The following SLC25A21 variants were observed in gnomAD, a reference collection of about 807,000 sequenced individuals.
SLC25A21 encodes the protein mitochondrial 2-oxodicarboxylate carrier.
In SLC25A21, 47 loss-of-function variants were observed where a neutral mutation model predicts 43.8. That is an observed-to-expected ratio of 1.07 (90% CI 0.85 to 1.37). The LOEUF (loss-of-function observed/expected upper bound fraction) is 1.37. Among genes scored for constraint, SLC25A21 ranks in the 40% most tolerant of loss-of-function variants. The pLI, the probability that SLC25A21 is intolerant of heterozygous loss-of-function variation, is 0.00. For missense variants in SLC25A21, 352 were observed against 350.2 expected, an observed-to-expected ratio of 1.00 and a Z score of -0.04; for synonymous variants, 131 against 121.3, an observed-to-expected ratio of 1.08 and a Z score of -0.52.
intron 3 of SLC25A21, among the ~76,000 whole-genome samples, chr14:36,775,113 T>A (rs1886776344): frequency 6.6e-6 from 1 of 152,202 alleles, no homozygotes; most frequent in Non-Finnish European, 1.5e-5. Context: ...CACTCAATAG[T>A]TGCATATGGA....
chr14:37,098,023 CT>C (rs570096390), intron 1 of SLC25A21: 5 of 152,108 alleles, frequency 3.3e-5, no homozygotes, highest in Non-Finnish European at 7.4e-5. Flanking sequence ...GTTCTTACAA[CT>C]TTTTTGTAAG....
chr14:36,997,350 C>T (rs940418694), intron 1 of SLC25A21, among the ~76,000 whole-genome samples: 21 of 152,064 alleles, frequency 1.4e-4, no homozygotes, highest in Admixed American at 1.3e-3. Flanking sequence ...GAGAAGAGAG[C>T]AGGTGAGACT....
At chr14:37,102,408 A>C (rs1050792369) in intron 1 of SLC25A21, among the ~76,000 whole-genome samples, 1 of 150,660 alleles carries the variant, frequency 6.6e-6, no homozygotes, top group African/African-American at 2.4e-5. Context: ...ATGCCAATGC[A>C]CTCCAGCCTG....
intron 1 of SLC25A21, chr14:37,096,955 G>A (rs1962705897): frequency 6.6e-6 from 1 of 151,314 alleles, no homozygotes; most frequent in Non-Finnish European, 1.5e-5. Flanking sequence ...GGCATTGAAG[G>A]GCTAGGTGTT....
chr14:36,951,593 AT>A (rs35759608), intron 1 of SLC25A21, among the ~76,000 whole-genome samples: 6,839 of 149,758 alleles, frequency 0.046, 301 homozygotes, highest in Middle Eastern at 0.14. Context: ...CAAGGTATGC[AT>A]TTTTTTTTTG....
At chr14:37,118,170 A>G (rs1963140395) in intron 1 of SLC25A21, among the ~76,000 whole-genome samples, 1 of 152,108 alleles carries the variant, frequency 6.6e-6, no homozygotes, top group Non-Finnish European at 1.5e-5. Flanking sequence ...CAGCTTCTCC[A>G]ACCACTCCTG....
intron 1 of SLC25A21, among the ~76,000 whole-genome samples, chr14:37,107,562 A>G (rs1043880172): frequency 4.6e-5 from 7 of 152,086 alleles, no homozygotes; most frequent in African/African-American, 1.7e-4. Flanking sequence ...TTCATATTTT[A>G]TTTACCAGGT....
chr14:36,702,735 G>A (rs1247941534), intron 7 of SLC25A21, among the ~76,000 whole-genome samples: 1 of 151,900 alleles, frequency 6.6e-6, no homozygotes, highest in African/African-American at 2.4e-5. Context: ...TTCCTAAGAG[G>A]GTGCCCAACA....
At chr14:36,826,835 G>C (rs547550574) in intron 2 of SLC25A21, among the ~76,000 whole-genome samples, 1 of 152,148 alleles carries the variant, frequency 6.6e-6, no homozygotes, top group Non-Finnish European at 1.5e-5. Flanking sequence ...CTCTCCCATA[G>C]GCCCAGGTGG....
chr14:36,819,198 G>A (rs1888547868), intron 2 of SLC25A21, among the ~76,000 whole-genome samples: 1 of 152,128 alleles, frequency 6.6e-6, no homozygotes, highest in African/African-American at 2.4e-5. Context: ...CCTATCTGCC[G>A]CTGTTCTCAT....
At chr14:37,064,382 A>T (rs1566854412) in intron 1 of SLC25A21, among the ~76,000 whole-genome samples, 1 of 152,044 alleles carries the variant, frequency 6.6e-6, no homozygotes. Context: ...CTCAGCCTTC[A>T]TAATTGCATG....
At chr14:36,870,427 C>T (rs899174455) in intron 2 of SLC25A21, 4 of 152,210 alleles carry the variant, frequency 2.6e-5, no homozygotes, top group Admixed American at 2.0e-4. Flanking sequence ...GTCAGCAGTC[C>T]TTGGTATTCA....
intron 3 of SLC25A21, among the ~76,000 whole-genome samples, chr14:36,809,557 C>T (rs1259208560): frequency 6.6e-6 from 1 of 152,068 alleles, no homozygotes; most frequent in Non-Finnish European, 1.5e-5. Flanking sequence ...GATTTGGACT[C>T]ATGTGGTTGA....
rs1408937786 is a variant in SLC25A21, at chr14:37,056,472, C to G, written c.70+115809G>C. ...CGCCACTGCACTCCAGCCTGGGCGA[C>G]AGCGAGACTCCATCTCAAAAAAAAA... On this transcript the variant is annotated intron_variant, in intron 1 of 9. Coordinates refer to ENST00000331299, the MANE Select transcript of SLC25A21 (RefSeq NM_030631.4). Among the ~76,000 whole-genome samples, 3 of 145,796 alleles carry G rather than the reference C, an allele frequency of 2.1e-5. No individual in the cohort carries two copies. The Admixed American group carries it at 2.1e-4, about 10-fold the overall frequency.
chr14:36,807,268 C>T (rs1381442825), intron 3 of SLC25A21: 2 of 152,314 alleles, frequency 1.3e-5, no homozygotes, highest in African/African-American at 4.8e-5. Flanking sequence ...GCCCCAGGAT[C>T]AGGCAACAGT....
At chr14:36,927,800 C>T (rs1288407632) in intron 1 of SLC25A21, among the ~76,000 whole-genome samples, 1 of 151,982 alleles carries the variant, frequency 6.6e-6, no homozygotes, top group Non-Finnish European at 1.5e-5. Context: ...TGTACATGTC[C>T]CTAAAAATAA....
chr14:36,739,675 T>A lies in SLC25A21; in HGVS notation c.204-5102A>T, dbSNP rs1420651565. On this transcript the variant is annotated intron_variant, in intron 3 of 9. Transcript: ENST00000331299. Reference sequence around the variant, plus strand: ...CCTGGCAACAGAGCAAGACTCTGTCTAAAAAAAAAGAAAAAAAAAAAAAAG... The same window carrying A: ...CCTGGCAACAGAGCAAGACTCTGTCAAAAAAAAAAGAAAAAAAAAAAAAAG... Among the ~76,000 whole-genome samples, 33 of 110,254 alleles carry A rather than the reference T, an allele frequency of 3.0e-4. 1 individual carries two copies. The highest frequency in any genetic ancestry group is 9.3e-5 in the Admixed American group (1 of 10,756). The allele number at this position is 110,254 out of a possible 152,430, so 72.3% of individuals were successfully genotyped here. A position where few individuals can be genotyped will look rare whatever the true frequency, so the allele number is the denominator to read the frequency against.
At chr14:36,776,180 CTTGAAACT>C (rs1566601741) in intron 3 of SLC25A21, among the ~76,000 whole-genome samples, 1 of 148,790 alleles carries the variant, frequency 6.7e-6, no homozygotes, top group Non-Finnish European at 1.5e-5. Context: ...TCCATCAATT[CTTGAAACT>C]TTGAAACTTC....
intron 7 of SLC25A21, among the ~76,000 whole-genome samples, chr14:36,686,581 A>T (rs529436346): frequency 1.3e-4 from 20 of 152,296 alleles, no homozygotes; most frequent in African/African-American, 3.9e-4. Context: ...AAACAATAAT[A>T]TAAGTAAAAG....
Sources: allele counts gnomAD v4.1 joint callset (sites outside exome capture counted in the v4.1 genomes callset), GRCh38; gene constraint gnomAD v4.1.1; transcripts MANE v1.5; gene names NCBI Gene and HGNC (gene_info 2026-07-23, HGNC 2026-07-21).